KIF6: variants seen among roughly 807,000 people sequenced by gnomAD.
KIF6 encodes the protein kinesin-like protein KIF6.
A neutral mutation model predicts 112.7 loss-of-function variants in KIF6; 106 were observed. The observed-to-expected ratio is 0.94, with a 90% CI of 0.80 to 1.11. The LOEUF (loss-of-function observed/expected upper bound fraction) is 1.11. KIF6 is among the 50% of genes least tolerant of loss of function. KIF6 has a pLI of 0.00. For missense variants in KIF6, 929 were observed against 964.0 expected, an observed-to-expected ratio of 0.96 and a Z score of 0.48; for synonymous variants, 339 against 339.9, an observed-to-expected ratio of 1.00 and a Z score of 0.03.
In KIF6 at chr6:39,501,246, G is replaced by A. The variant is rs150100271; in HGVS notation, c.1645+38757C>T. 1.4e-4 allele frequency among the ~76,000 whole-genome samples: 22 copies of A among 152,126 alleles called. No homozygotes were observed. The East Asian group carries it at 4.1e-3, about 28-fold the overall frequency. ...TCCCAGCAAACCACAGCAGACCTAT[G>A]AAGAATAGTCAGGCTGTTAAAAGAA... On this transcript the variant is annotated intron_variant, in intron 13 of 22. Transcript: ENST00000287152.
intron 19 of KIF6, among the ~76,000 whole-genome samples, chr6:39,356,329 G>A (rs1278134817): frequency 2.0e-5 from 3 of 151,510 alleles, no homozygotes; most frequent in African/African-American, 7.3e-5. Flanking sequence ...GCAGTGGCAC[G>A]ATCTCAGCTC....
chr6:39,613,350 C>T (rs1254779398), intron 5 of KIF6, 32 bp from the exon 6 acceptor site: 1 of 1,533,144 alleles, frequency 6.5e-7, no homozygotes, highest in Non-Finnish European at 8.7e-7. Context: ...AAACAAGGTA[C>T]TGCTGAGAAT....
chr6:39,674,550 G>A (rs914192201), intron 3 of KIF6, among the ~76,000 whole-genome samples: 1 of 151,932 alleles, frequency 6.6e-6, no homozygotes, highest in African/African-American at 2.4e-5. Context: ...GAACTGAGCT[G>A]AGCAAGTTGA....
intron 15 of KIF6, among the ~76,000 whole-genome samples, chr6:39,417,764 T>G (rs1289092420): frequency 6.6e-6 from 1 of 152,198 alleles, no homozygotes; most frequent in Non-Finnish European, 1.5e-5. Context: ...TATATTAGTA[T>G]AGTCAATTGG....
intron 13 of KIF6, among the ~76,000 whole-genome samples, chr6:39,453,772 G>A (rs1434196440): frequency 6.6e-6 from 1 of 152,184 alleles, no homozygotes; most frequent in African/African-American, 2.4e-5. Context: ...CAATTCAAGT[G>A]CACGTTTTGC....
chr6:39,400,834 A>C (rs1768646305), intron 15 of KIF6, among the ~76,000 whole-genome samples: 1 of 152,194 alleles, frequency 6.6e-6, no homozygotes, highest in African/African-American at 2.4e-5. Flanking sequence ...TTTGGTGAGA[A>C]GTTTACTGTG....
chr6:39,630,675 G>T (rs1475059156), intron 5 of KIF6, among the ~76,000 whole-genome samples: 2 of 151,940 alleles, frequency 1.3e-5, no homozygotes, highest in African/African-American at 2.4e-5. Flanking sequence ...TCTTTTTCCG[G>T]TATTATTGCA....
intron 15 of KIF6, among the ~76,000 whole-genome samples, chr6:39,415,303 A>AG (rs1491072134): frequency 4.9e-4 from 4 of 8,136 alleles, no homozygotes; most frequent in Non-Finnish European, 2.8e-4. Flanking sequence ...TTAAAATGTA[A>AG]AAAAAAAAAA....
At chr6:39,424,451 C>T (rs1770618283) in intron 14 of KIF6, among the ~76,000 whole-genome samples, 1 of 152,234 alleles carries the variant, frequency 6.6e-6, no homozygotes, top group Non-Finnish European at 1.5e-5. Flanking sequence ...ACTCTTTTCT[C>T]TGGGGCTTAG....
rs1201076057 is a variant in KIF6 at position 39,357,501 on chromosome 6, T to C, written c.2083-127A>G. The C allele has an allele frequency of 1.7e-5, 10 of 579,260 alleles. No individual in the cohort carries two copies. The Admixed American group carries it at 3.1e-4, about 18-fold the overall frequency. 35.9% of individuals were successfully genotyped at this position (579,260 alleles called of 1,614,324 possible). A position where few individuals can be genotyped will look rare whatever the true frequency, so the allele number is the denominator to read the frequency against. ...TCTCGCTCTGTTGCCCAGGCTGGAG[T>C]GCAGTGGCGCGATCTCAGCTCACTG... On this transcript the variant is annotated intron_variant, in intron 18 of 22. Coordinates refer to ENST00000287152, the MANE Select transcript of KIF6 (RefSeq NM_145027.6).
chr6:39,374,150 T>C (rs1357954526), intron 16 of KIF6, among the ~76,000 whole-genome samples: 1 of 152,138 alleles, frequency 6.6e-6, no homozygotes, highest in Non-Finnish European at 1.5e-5. Flanking sequence ...CAATAAAAGG[T>C]GTTGGGAAAA....
chr6:39,722,957 T>C (rs1433692027), intron 1 of KIF6, among the ~76,000 whole-genome samples: 1 of 152,188 alleles, frequency 6.6e-6, no homozygotes, highest in Non-Finnish European at 1.5e-5. Context: ...AAGTTCAGTA[T>C]TAAATCCAAG....
In KIF6 at chr6:39,342,110, C is replaced by A. The variant is rs548492109; in HGVS notation, c.2428+1599G>T. On this transcript the variant is annotated intron_variant, in intron 22 of 22. Transcript: ENST00000287152. This position sits in a 1 kb window ranked among gnomAD's most constrained non-coding sequence, Gnocchi z 4.7. ...CCAGCCACTCTAGCTTCCTTCCCACCCTGTGGCCAAGCAAAGCTTCCCCTT... is the reference window on the plus strand; with the variant it reads ...CCAGCCACTCTAGCTTCCTTCCCACACTGTGGCCAAGCAAAGCTTCCCCTT... Among the ~76,000 whole-genome samples, 4 of 152,314 alleles carry A rather than the reference C, an allele frequency of 2.6e-5. No homozygotes were observed. Among genetic ancestry groups the A allele is most frequent in the South Asian group, 4.2e-4 (2 of 4,818 alleles).
intron 3 of KIF6, among the ~76,000 whole-genome samples, chr6:39,677,281 T>C (rs1260148247): frequency 1.3e-5 from 2 of 152,012 alleles, no homozygotes; most frequent in Non-Finnish European, 2.9e-5. Flanking sequence ...TCTAAACTCA[T>C]AACACAACCT....
At chr6:39,431,249 C>A in intron 13 of KIF6, 88 bp from the exon 14 acceptor site, 1 of 762,778 alleles carries the variant, frequency 1.3e-6, no homozygotes, top group Non-Finnish European at 2.2e-6. Context: ...ACAAAACCAG[C>A]CCTGGCTCCA....
chr6:39,418,045 T>A (rs1278550848), intron 15 of KIF6, among the ~76,000 whole-genome samples: 1 of 85,046 alleles, frequency 1.2e-5, no homozygotes, highest in East Asian at 3.5e-4. Flanking sequence ...CACTGCCCAC[T>A]GTCTGGGACT....
At chr6:39,655,240 C>T (rs957652525) in intron 3 of KIF6, among the ~76,000 whole-genome samples, 42 of 152,136 alleles carry the variant, frequency 2.8e-4, no homozygotes, top group African/African-American at 6.7e-4. Flanking sequence ...TACTTTTATA[C>T]GTTTTTTGAC....
intron 13 of KIF6, among the ~76,000 whole-genome samples, chr6:39,474,513 T>C (rs2150445365): frequency 6.6e-6 from 1 of 152,384 alleles, no homozygotes; most frequent in Middle Eastern, 3.4e-3. Flanking sequence ...CCTTCTTTAC[T>C]TGCATGAACG....
At chr6:39,396,841 A>G (rs927584528) in intron 15 of KIF6, among the ~76,000 whole-genome samples, 11 of 152,200 alleles carry the variant, frequency 7.2e-5, no homozygotes, top group African/African-American at 2.4e-4. Flanking sequence ...TCTGATTACA[A>G]ATAACACTGC....
Sources: gnomAD v4.1 joint callset for allele counts (sites outside exome capture counted in the v4.1 genomes callset) on GRCh38, gnomAD v4.1.1 for gene constraint, Gnocchi (gnomAD v3.1) non-coding constraint, MANE v1.5 for transcripts, NCBI Gene and HGNC (gene_info 2026-07-23, HGNC 2026-07-21) for gene names.